The following HACE1 variants were observed in gnomAD, a reference collection of about 807,000 sequenced individuals.
HACE1 encodes HECT domain and ankyrin repeat containing E3 ubiquitin protein ligase 1.
Under a neutral mutation model 118.4 loss-of-function variants are expected in HACE1, and 73 were observed. The ratio of observed to expected loss-of-function variants is 0.62; its 90% CI spans 0.51 to 0.75. The LOEUF is 0.75. Among genes scored for constraint, HACE1 ranks in the 30% least tolerant of loss-of-function variants. HACE1 has a pLI of 0.00. For synonymous variants in HACE1, 368 were observed against 374.8 expected (o/e 0.98, Z 0.21); for missense variants, 749 against 1,102.2 (o/e 0.68, Z 4.54).
intron 1 of HACE1, among the ~76,000 whole-genome samples, chr6:104,855,848 G>C (rs981043367): frequency 6.6e-6 from 1 of 152,190 alleles, no homozygotes; most frequent in Non-Finnish European, 1.5e-5. Flanking sequence ...AATCAAGATA[G>C]TGCATAATTT....
chr6:104,812,216 T>C (rs942417543), intron 6 of HACE1, among the ~76,000 whole-genome samples: 2 of 151,922 alleles, frequency 1.3e-5, no homozygotes, highest in Admixed American at 6.6e-5. Flanking sequence ...CATGAGGCAA[T>C]AGGTGGCTTG....
In HACE1 at chr6:104,777,210, G is replaced by A. The variant is rs1199716202; in HGVS notation, c.1674C>T (p.His558=). 3.7e-6 allele frequency: 6 copies of A among 1,606,994 alleles called. No individual in the cohort carries two copies. Among genetic ancestry groups the A allele is most frequent in the Non-Finnish European group, 5.1e-6 (6 of 1,173,644 alleles). The change falls in exon 15 of 24, where the codon CAC becomes CAT. Residue 558 remains histidine (H), a synonymous_variant. Coordinates refer to ENST00000262903, the MANE Select transcript of HACE1 (RefSeq NM_020771.4). ...PVNENDILLV[H]RDSIFRSSCE... is the part of the protein sequence containing the mutation. ...CAGTTTCTTTGTTAAGCATACCTCT[G>A]TGAACCAGCAGGATATCATTTTCAT... is the stretch of plus-strand genomic sequence containing the variant.
chr6:104,855,632 C>A (rs1187062520), intron 1 of HACE1, among the ~76,000 whole-genome samples: 3 of 152,022 alleles, frequency 2.0e-5, no homozygotes, highest in Non-Finnish European at 2.9e-5. Flanking sequence ...CTCTCAGAAA[C>A]TACCAATGAG....
intron 19 of HACE1, among the ~76,000 whole-genome samples, chr6:104,750,975 TTC>T (rs1348943702): frequency 1.3e-5 from 2 of 152,224 alleles, no homozygotes; most frequent in Non-Finnish European, 2.9e-5. Context: ...CTATAATGAC[TTC>T]TCATGACATC....
intron 22 of HACE1, among the ~76,000 whole-genome samples, chr6:104,735,131 TAA>T (rs1345856269): frequency 6.6e-6 from 1 of 152,086 alleles, no homozygotes; most frequent in African/African-American, 2.4e-5. Flanking sequence ...TACCGTAATT[TAA>T]AACTTTCAAG....
chr6:104,754,345 G>T (rs1272256742), intron 19 of HACE1, among the ~76,000 whole-genome samples: 1 of 152,134 alleles, frequency 6.6e-6, no homozygotes, highest in African/African-American at 2.4e-5. Flanking sequence ...ATATCATATA[G>T]GAGAACTCCC....
At chr6:104,752,761 A>C (rs1298854662) in intron 19 of HACE1, among the ~76,000 whole-genome samples, 1 of 152,090 alleles carries the variant, frequency 6.6e-6, no homozygotes, top group Non-Finnish European at 1.5e-5. Flanking sequence ...TTTTACAAAT[A>C]TAATACTCTT....
In HACE1 at chr6:104,742,765, G is replaced by T. The variant is rs1050572494; in HGVS notation, c.2513+1395C>A. Among the ~76,000 whole-genome samples, 114 of 151,860 alleles carry T rather than the reference G, an allele frequency of 7.5e-4. 1 individual carries two copies. The highest frequency in any genetic ancestry group is 1.5e-4 in the Non-Finnish European group (10 of 67,994). On this transcript the variant is annotated intron_variant, in intron 22 of 23. Coordinates refer to ENST00000262903, the MANE Select transcript of HACE1 (RefSeq NM_020771.4). ...GGAAGTCAGTGTGGCGATTCCTCAGGGATCTAGAACTGGAAATACCATTTG... is the reference window on the plus strand; with the variant it reads ...GGAAGTCAGTGTGGCGATTCCTCAGTGATCTAGAACTGGAAATACCATTTG...
At chr6:104,767,028 G>C (rs776819533) in intron 19 of HACE1, 20 of 152,186 alleles carry the variant, frequency 1.3e-4, no homozygotes, top group Non-Finnish European at 2.8e-4. Context: ...ACAGTGCCTA[G>C]CACATTATAA....
chr6:104,730,257 A>C, intron 23 of HACE1, 46 bp downstream of exon 23: 1 of 932,892 alleles, frequency 1.1e-6, no homozygotes, highest in Non-Finnish European at 1.8e-6. Flanking sequence ...ATTCAAAATT[A>C]ATCAAAACAA....
At chr6:104,827,583 A>C (rs1773462962) in intron 6 of HACE1, among the ~76,000 whole-genome samples, 1 of 152,202 alleles carries the variant, frequency 6.6e-6, no homozygotes, top group Non-Finnish European at 1.5e-5. Flanking sequence ...TGATTAAAGG[A>C]GAATTCTAGC....
At position 104,791,501 on chromosome 6, in the gene HACE1, C is replaced by G; in HGVS notation, c.1074+3G>C. 6.2e-7 allele frequency: 1 copy of G among 1,610,606 alleles called. No homozygotes were observed. The highest frequency in any genetic ancestry group is 8.5e-7 in the Non-Finnish European group (1 of 1,176,936). On this transcript the variant is annotated splice_donor_region_variant and intron_variant, in intron 11 of 23. Transcript: ENST00000262903. ...TCCTAACAATGCCATATACTTTTCT[C>G]ACCTTGAACACCTGGCTTCTTGGAG...
At chr6:104,832,562 T>A (rs1582696071) in intron 6 of HACE1, among the ~76,000 whole-genome samples, 1 of 151,920 alleles carries the variant, frequency 6.6e-6, no homozygotes, top group African/African-American at 2.4e-5. Context: ...CCCAGCTAAA[T>A]TTTTTTGTAT....
At chr6:104,784,374 G>A in intron 13 of HACE1, 43 bp downstream of exon 13, 3 of 1,263,654 alleles carry the variant, frequency 2.4e-6, no homozygotes, top group Non-Finnish European at 3.5e-6. Context: ...TAAGTAAAGA[G>A]AGGAAAGGCT....
chr6:104,821,690 C>T (rs570992788), intron 6 of HACE1, among the ~76,000 whole-genome samples: 1 of 152,274 alleles, frequency 6.6e-6, no homozygotes, highest in South Asian at 2.1e-4. Context: ...CATAAGTAAA[C>T]ATTGAAGCAG....
chr6:104,784,004 A>G (rs1036098446), intron 14 of HACE1, 82 bp downstream of exon 14: 2 of 770,616 alleles, frequency 2.6e-6, no homozygotes, highest in Admixed American at 3.7e-5. Flanking sequence ...TCTGAAGTGT[A>G]ATAATTATTC....
At chr6:104,783,382 G>A (rs9391242) in intron 14 of HACE1, among the ~76,000 whole-genome samples, 85,714 of 151,900 alleles carry the variant, frequency 0.56, 25,818 homozygotes, top group African/African-American at 0.79. Context: ...TCTTAGAGAA[G>A]GGAAGTAAGT....
chr6:104,850,814 T>C, intron 3 of HACE1, 93 bp downstream of exon 3: 5 of 856,002 alleles, frequency 5.8e-6, no homozygotes, highest in Admixed American at 1.7e-5. Context: ...TCTGTTCTCA[T>C]CTCTCCCCAG....
chr6:104,771,837 C>A, intron 18 of HACE1, 88 bp downstream of exon 18: 1 of 936,506 alleles, frequency 1.1e-6, no homozygotes, highest in Non-Finnish European at 1.7e-6. Flanking sequence ...ATTATCTCAT[C>A]CAAAATACTA....
Sources: gnomAD v4.1 joint callset for allele counts (sites outside exome capture counted in the v4.1 genomes callset) on GRCh38, gnomAD v4.1.1 for gene constraint, MANE v1.5 for transcripts, NCBI Gene and HGNC (gene_info 2026-07-23, HGNC 2026-07-21) for gene names.